The following EXOC6B variants were observed in gnomAD, a reference collection of about 807,000 sequenced individuals.
EXOC6B encodes SEC15 homolog B.
In EXOC6B, 54 loss-of-function variants were observed where a neutral mutation model predicts 113.5. The observed-to-expected ratio is 0.48, with a 90% CI of 0.38 to 0.60. The LOEUF (loss-of-function observed/expected upper bound fraction) is 0.60. EXOC6B is among the 20% of genes least tolerant of loss of function. The pLI is 0.00. For synonymous variants in EXOC6B, 357 were observed against 339.0 expected, an observed-to-expected ratio of 1.05 and a Z score of -0.58; for missense variants, 797 against 977.5, an observed-to-expected ratio of 0.82 and a Z score of 2.46.
At chr2:72,632,844 G>C (rs1218061710) in intron 6 of EXOC6B, among the ~76,000 whole-genome samples, 1 of 152,038 alleles carries the variant, frequency 6.6e-6, no homozygotes, top group Non-Finnish European at 1.5e-5. Flanking sequence ...ACCATTCCCA[G>C]CTAATTTGTT....
At chr2:72,750,180 C>T (rs1681952157) in intron 1 of EXOC6B, among the ~76,000 whole-genome samples, 1 of 151,810 alleles carries the variant, frequency 6.6e-6, no homozygotes, top group South Asian at 2.1e-4. Context: ...TTGCTGATAC[C>T]CCATGGCCAA....
At chr2:72,682,419 C>G (rs1018581866) in intron 6 of EXOC6B, among the ~76,000 whole-genome samples, 4 of 152,118 alleles carry the variant, frequency 2.6e-5, no homozygotes, top group Non-Finnish European at 5.9e-5. Flanking sequence ...CATATTTTAT[C>G]AGTTTCCTTT....
chr2:72,473,374 A>G (rs2105456314), intron 17 of EXOC6B, among the ~76,000 whole-genome samples: 1 of 152,222 alleles, frequency 6.6e-6, no homozygotes, highest in East Asian at 1.9e-4. Context: ...TTGGATGCCA[A>G]TATGGATTTG....
chr2:72,674,528 A>G (rs1335187905), intron 6 of EXOC6B, among the ~76,000 whole-genome samples: 1 of 152,174 alleles, frequency 6.6e-6, no homozygotes, highest in Non-Finnish European at 1.5e-5. Context: ...AATGAATCGT[A>G]TACCTTTTAA....
At chr2:72,438,240 A>G (rs1695992091) in intron 18 of EXOC6B, among the ~76,000 whole-genome samples, 1 of 152,132 alleles carries the variant, frequency 6.6e-6, no homozygotes, top group South Asian at 2.1e-4. Context: ...ATTAAAACTC[A>G]ATCAGAAAAA....
intron 19 of EXOC6B, among the ~76,000 whole-genome samples, chr2:72,341,375 A>G (rs1689025632): frequency 6.6e-6 from 1 of 152,168 alleles, no homozygotes; most frequent in South Asian, 2.1e-4. Flanking sequence ...ATAAATTACT[A>G]CAATAGACTC....
intron 7 of EXOC6B, among the ~76,000 whole-genome samples, chr2:72,574,619 A>G (rs1057340604): frequency 3.9e-5 from 6 of 152,212 alleles, no homozygotes; most frequent in Admixed American, 1.3e-4. Flanking sequence ...GCTACTGAGT[A>G]CAAGAGTAAA....
At position 72,492,336 on chromosome 2, in the gene EXOC6B, C is replaced by A; in HGVS notation, c.1647G>T (p.Lys549Asn). ...SNSLQNVIKR[K>N]NIGLTELVQI... ...GGTTTACCTCAGTAAGCCCAATATT[C>A]TTCCTTTTAATTACATTCTGCAGAG... The change falls in exon 16 of 22, where the codon AAG becomes AAT. Residue 549 changes from lysine (K) to asparagine (N), a missense_variant. Coordinates refer to ENST00000272427, the MANE Select transcript of EXOC6B (RefSeq NM_015189.3). The A allele has an allele frequency of 6.2e-7, 1 of 1,611,980 alleles. No homozygotes were observed. The highest frequency in any genetic ancestry group is 8.5e-7 in the Non-Finnish European group (1 of 1,178,378).
intron 1 of EXOC6B, among the ~76,000 whole-genome samples, chr2:72,743,236 G>A (rs773095237): frequency 1.3e-5 from 2 of 152,072 alleles, no homozygotes; most frequent in Non-Finnish European, 2.9e-5. Context: ...ACAGCCTCCT[G>A]ACAGTCTCCA....
chr2:72,189,184 G>C (rs937277797), intron 20 of EXOC6B, among the ~76,000 whole-genome samples: 7 of 151,966 alleles, frequency 4.6e-5, no homozygotes, highest in African/African-American at 1.7e-4. Context: ...ATTATGTTTA[G>C]CTGTCATGTC....
intron 8 of EXOC6B, among the ~76,000 whole-genome samples, chr2:72,517,276 A>T (rs143166136): frequency 1.3e-3 from 203 of 152,304 alleles, no homozygotes; most frequent in Non-Finnish European, 2.3e-3. Context: ...TTCATTAAAT[A>T]TTCCTTTTCT....
chr2:72,772,484 G>A (rs926827421), intron 1 of EXOC6B, among the ~76,000 whole-genome samples: 3 of 152,104 alleles, frequency 2.0e-5, no homozygotes, highest in Non-Finnish European at 4.4e-5. Context: ...GGAAAGAGAC[G>A]CCAAGACTGC....
At chr2:72,651,728 T>C (rs1007480262) in intron 6 of EXOC6B, among the ~76,000 whole-genome samples, 101 of 152,260 alleles carry the variant, frequency 6.6e-4, no homozygotes, top group Non-Finnish European at 1.4e-3. Flanking sequence ...CCCGAGTAGC[T>C]GGGACTACAG....
chr2:72,436,855 T>C (rs1449511146), intron 18 of EXOC6B, among the ~76,000 whole-genome samples: 1 of 152,164 alleles, frequency 6.6e-6, no homozygotes, highest in Non-Finnish European at 1.5e-5. Flanking sequence ...CATGCTCCTT[T>C]AGCTCAGAGG....
chr2:72,788,627 TCTCTACAAAA>T (rs1327067294), intron 1 of EXOC6B, among the ~76,000 whole-genome samples: 1 of 151,956 alleles, frequency 6.6e-6, no homozygotes, highest in African/African-American at 2.4e-5. Context: ...TGAGACCCCA[TCTCTACAAAA>T]AATTTTAAAA....
chr2:72,464,947 G>A (rs1697945173), intron 18 of EXOC6B: 1 of 576,220 alleles, frequency 1.7e-6, no homozygotes, highest in Admixed American at 3.4e-5. Flanking sequence ...CATAATACCA[G>A]GAACCATTTT....
chr2:72,503,278 T>C (rs373314646), intron 11 of EXOC6B, among the ~76,000 whole-genome samples: 7 of 152,190 alleles, frequency 4.6e-5, no homozygotes, highest in African/African-American at 1.4e-4. Context: ...TAAATTGATA[T>C]GTTCCACCAT....
At chr2:72,285,454 A>C (rs965588998) in intron 20 of EXOC6B, among the ~76,000 whole-genome samples, 1 of 152,122 alleles carries the variant, frequency 6.6e-6, no homozygotes, top group African/African-American at 2.4e-5. Context: ...AAGAATCTAG[A>C]CACAAACTCA....
chr2:72,343,234 T>G (rs1689139997), intron 19 of EXOC6B, among the ~76,000 whole-genome samples: 1 of 152,188 alleles, frequency 6.6e-6, no homozygotes, highest in South Asian at 2.1e-4. Flanking sequence ...AAGACCAGCC[T>G]GGCCAACATG....
Sources: gnomAD v4.1 joint callset for allele counts (sites outside exome capture counted in the v4.1 genomes callset) on GRCh38, gnomAD v4.1.1 for gene constraint, MANE v1.5 for transcripts, NCBI Gene and HGNC (gene_info 2026-07-23, HGNC 2026-07-21) for gene names.